Variants in SPIRE1 observed in about 807,000 individuals in gnomAD.
SPIRE1 encodes the protein spire type actin nucleation factor 1, also known as protein spire homolog 1.
A neutral mutation model predicts 94.1 loss-of-function variants in SPIRE1; 40 were observed. That is an observed-to-expected ratio of 0.43 (90% CI 0.33 to 0.55). SPIRE1 has a LOEUF of 0.55. SPIRE1 is among the 20% of genes least tolerant of loss of function. The pLI is 0.06. For missense variants in SPIRE1, 838 were observed against 975.2 expected (o/e 0.86, Z 1.87); for synonymous variants, 376 against 371.7 (o/e 1.01, Z -0.13).
At chr18:12,532,980 G>A (rs1217416336) in intron 4 of SPIRE1, among the ~76,000 whole-genome samples, 1 of 152,200 alleles carries the variant, frequency 6.6e-6, no homozygotes, top group Non-Finnish European at 1.5e-5. Context: ...ACAGGGAGAT[G>A]TAGAGGAGAG....
chr18:12,642,382 T>C (rs745447057), intron 1 of SPIRE1, among the ~76,000 whole-genome samples: 10 of 152,184 alleles, frequency 6.6e-5, no homozygotes, highest in Non-Finnish European at 1.5e-4. Flanking sequence ...CTTTGCTTCC[T>C]AGATTTGTAA....
At chr18:12,555,631 A>G (rs1474795347) in intron 2 of SPIRE1, among the ~76,000 whole-genome samples, 1 of 152,238 alleles carries the variant, frequency 6.6e-6, no homozygotes, top group Non-Finnish European at 1.5e-5. Flanking sequence ...CCTTCATGAT[A>G]AAAACCCTCA....
chr18:12,514,232 A>G (rs892489866), intron 4 of SPIRE1, among the ~76,000 whole-genome samples: 1 of 152,034 alleles, frequency 6.6e-6, no homozygotes, highest in African/African-American at 2.4e-5. Context: ...AAATATCCAG[A>G]CTGAATCACC....
rs371275715 is a variant in SPIRE1, at chr18:12,482,299, C to A, written c.1232-2428G>T. ...CCGGGACTACAGGCATGTGCCACCA[C>A]GCCCAGCTAATTTTTTTGTATTTTT... On this transcript the variant is annotated intron_variant, in intron 9 of 16. Transcript: ENST00000409402. 3.2e-4 allele frequency among the ~76,000 whole-genome samples: 49 copies of A among 152,254 alleles called. 1 individual carries two copies. The Middle Eastern group carries it at 0.01, about 32-fold the overall frequency.
At chr18:12,485,582 G>A (rs942433216) in intron 9 of SPIRE1, among the ~76,000 whole-genome samples, 1 of 152,156 alleles carries the variant, frequency 6.6e-6, no homozygotes, top group Admixed American at 6.5e-5. Flanking sequence ...GGAAGTAGAT[G>A]TGTCAGAATT....
intron 2 of SPIRE1, among the ~76,000 whole-genome samples, chr18:12,618,337 T>C (rs995802401): frequency 3.3e-5 from 5 of 151,914 alleles, no homozygotes; most frequent in African/African-American, 1.2e-4. Context: ...CCTGACCTTG[T>C]TATCCGCCCG....
intron 3 of SPIRE1, among the ~76,000 whole-genome samples, chr18:12,541,168 T>C (rs2035004958): frequency 6.6e-6 from 1 of 152,264 alleles, no homozygotes; most frequent in African/African-American, 2.4e-5. Context: ...CTTTTTGTTA[T>C]TCATATCTGG....
In SPIRE1 at chr18:12,657,645, G is replaced by A. The variant is rs764838304; in HGVS notation, c.222C>T (p.Arg74=). 803 of 1,318,932 alleles carry A rather than the reference G, an allele frequency of 6.1e-4. 5 individuals are homozygous for A. In the East Asian group the frequency reaches 0.013, roughly 21 times the overall value. The allele number at this position is 1,318,932 out of a possible 1,614,324, so 81.7% of individuals were successfully genotyped here. The change falls in exon 1 of 17, where the codon CGC becomes CGT. Residue 74 remains arginine (R), a synonymous_variant. Transcript: ENST00000409402. ...QCCGSLRAAA[R]RRQPRHRVRS... ...GCACACGGTGGCGGGGCTGGCGGCG[G>A]CGGGCGGCGGCGCGCAGGGAACCGC...
At chr18:12,570,134 C>T (rs150603857) in intron 2 of SPIRE1, among the ~76,000 whole-genome samples, 2 of 152,334 alleles carry the variant, frequency 1.3e-5, no homozygotes, top group African/African-American at 2.4e-5. Flanking sequence ...CTTCATCCAG[C>T]CCCTCTTTGT....
At chr18:12,472,585 T>C (rs1167456261) in intron 10 of SPIRE1, among the ~76,000 whole-genome samples, 2 of 151,712 alleles carry the variant, frequency 1.3e-5, no homozygotes, top group Non-Finnish European at 2.9e-5. Flanking sequence ...CCCAGGCTGG[T>C]CTTGAACTCC....
chr18:12,626,596 T>C (rs1454007943), intron 2 of SPIRE1, among the ~76,000 whole-genome samples: 1 of 152,136 alleles, frequency 6.6e-6, no homozygotes, highest in East Asian at 1.9e-4. Flanking sequence ...GGCATCTCAT[T>C]ATTCCAAATA....
At chr18:12,569,700 C>T (rs1336150152) in intron 2 of SPIRE1, among the ~76,000 whole-genome samples, 1 of 151,982 alleles carries the variant, frequency 6.6e-6, no homozygotes, top group Non-Finnish European at 1.5e-5. Flanking sequence ...TTACTAGTCT[C>T]AAGGCAGGTG....
chr18:12,623,375 A>G (rs779914851), intron 2 of SPIRE1, among the ~76,000 whole-genome samples: 19 of 151,842 alleles, frequency 1.3e-4, no homozygotes, highest in South Asian at 2.1e-4. Context: ...GGATGGTCTC[A>G]ATCTCCTGAC....
chr18:12,569,512 TA>T (rs2035908934), intron 2 of SPIRE1, among the ~76,000 whole-genome samples: 2 of 151,968 alleles, frequency 1.3e-5, no homozygotes, highest in African/African-American at 2.4e-5. Context: ...CAAGGGGGGC[TA>T]CCAGAAAAAT....
chr18:12,595,497 C>A (rs2036646936), intron 2 of SPIRE1, among the ~76,000 whole-genome samples: 2 of 152,082 alleles, frequency 1.3e-5, no homozygotes, highest in African/African-American at 2.4e-5. Flanking sequence ...TATAAACAAT[C>A]CAAAGGAGAT....
At chr18:12,608,875 C>G (rs1003808716) in intron 2 of SPIRE1, among the ~76,000 whole-genome samples, 3 of 152,092 alleles carry the variant, frequency 2.0e-5, no homozygotes, top group Admixed American at 6.6e-5. Context: ...CACAAAGAAG[C>G]AAAACTGAGG....
chr18:12,533,785 C>G (rs951674023), intron 4 of SPIRE1, among the ~76,000 whole-genome samples: 2 of 152,096 alleles, frequency 1.3e-5, no homozygotes, highest in African/African-American at 4.8e-5. Flanking sequence ...TTTTAACAAG[C>G]TGGGAAAGGT....
At chr18:12,628,457 T>C (rs573031444) in intron 2 of SPIRE1, among the ~76,000 whole-genome samples, 3 of 152,334 alleles carry the variant, frequency 2.0e-5, no homozygotes, top group Admixed American at 2.0e-4. Flanking sequence ...TGTAGCCTTG[T>C]AGTATAGTTT....
intron 1 of SPIRE1, among the ~76,000 whole-genome samples, chr18:12,636,635 A>C (rs893091136): frequency 1.3e-5 from 2 of 152,118 alleles, no homozygotes; most frequent in Non-Finnish European, 2.9e-5. Flanking sequence ...CTTAGGTTCT[A>C]TGAATTAAAT....
Sources: allele counts gnomAD v4.1 joint callset (sites outside exome capture counted in the v4.1 genomes callset), GRCh38; gene constraint gnomAD v4.1.1; transcripts MANE v1.5; gene names NCBI Gene and HGNC (gene_info 2026-07-23, HGNC 2026-07-21).